The following NSD2 variants were observed in gnomAD, a reference collection of about 807,000 sequenced individuals.
NSD2 encodes the protein histone-lysine N-methyltransferase NSD2.
In NSD2, 12 loss-of-function variants were observed where a neutral mutation model predicts 139.0. The ratio of observed to expected loss-of-function variants is 0.09; its 90% CI spans 0.06 to 0.14. The LOEUF (loss-of-function observed/expected upper bound fraction) is 0.14, where lower values mean the gene tolerates loss of function less well. NSD2 is among the 10% of genes least tolerant of loss of function. The pLI, the probability that NSD2 is intolerant of heterozygous loss-of-function variation, is 1.00. For synonymous variants in NSD2, 669 were observed against 648.7 expected (o/e 1.03, Z -0.48); for missense variants, 1,155 against 1,745.0 (o/e 0.66, Z 6.02).
At chr4:1,896,524 G>A (rs996676337) in intron 1 of NSD2, among the ~76,000 whole-genome samples, 2 of 152,172 alleles carry the variant, frequency 1.3e-5, no homozygotes, top group Non-Finnish European at 2.9e-5. Flanking sequence ...GTGCGCCAGT[G>A]TGCCTGGCTA....
intron 9 of NSD2, chr4:1,944,258 G>A: frequency 9.4e-7 from 1 of 1,066,174 alleles, no homozygotes. Flanking sequence ...CCATCTCCTG[G>A]TTTCCTGAAG....
At chr4:1,899,548 A>G (rs1716890529) in intron 1 of NSD2, among the ~76,000 whole-genome samples, 1 of 152,150 alleles carries the variant, frequency 6.6e-6, no homozygotes, top group Non-Finnish European at 1.5e-5. Context: ...CTAGTGTCTG[A>G]TGCTATTGAT....
Position 1,955,706 on chromosome 4 carries a change from G to A in NSD2, c.2532G>A (p.Leu844=). 6.2e-7 allele frequency: 1 copy of A among 1,613,558 alleles called. No homozygotes were observed. Among genetic ancestry groups the A allele is most frequent in the Non-Finnish European group, 8.5e-7 (1 of 1,179,798 alleles). The stretch of plus-strand genomic sequence containing the variant: ...CTCCTCTTGCAGGGGGGAGCCTTCT[G>A]TGCTGTGAGTCCTGCCCAGCGGCCT... ...CFVCSKGGSL[L]CCESCPAAFH... is the part of the protein sequence containing the mutation. The change falls in exon 14 of 22, where the codon CTG becomes CTA. Residue 844 remains leucine (L), a synonymous_variant. Transcript: ENST00000508803. The surrounding 1 kb of genome is among the most constrained non-coding windows in gnomAD (Gnocchi z 4.7).
At position 1,958,079 on chromosome 4, in the gene NSD2, C is replaced by A; in HGVS notation, c.2985+43C>A. 1 of 1,587,636 alleles carries A rather than the reference C, an allele frequency of 6.3e-7. No homozygotes were observed. Among genetic ancestry groups the A allele is most frequent in the Non-Finnish European group, 8.6e-7 (1 of 1,161,116 alleles). On this transcript the variant is annotated intron_variant, in intron 16 of 21. Coordinates refer to ENST00000508803, the MANE Select transcript of NSD2 (RefSeq NM_001042424.3). This position sits in a 1 kb window ranked among gnomAD's most constrained non-coding sequence, Gnocchi z 4.6. ...CGTGCACGCGTGTGGAGGGAGTCTTCCCCGAGGGCCGTGAGAGGTTCTTAG... is the reference window on the plus strand; with the variant it reads ...CGTGCACGCGTGTGGAGGGAGTCTTACCCGAGGGCCGTGAGAGGTTCTTAG...
chr4:1,920,484 C>T (rs55720454), intron 5 of NSD2, among the ~76,000 whole-genome samples: 2 of 152,266 alleles, frequency 1.3e-5, no homozygotes, highest in Admixed American at 1.3e-4. Flanking sequence ...ATTATTGTGA[C>T]TTACTGTGTA....
chr4:1,948,864 T>A lies in NSD2; in HGVS notation c.1882-2208T>A. On this transcript the variant is annotated intron_variant, in intron 9 of 21. Coordinates refer to ENST00000508803, the MANE Select transcript of NSD2 (RefSeq NM_001042424.3). The surrounding 1 kb of genome is among the most constrained non-coding windows in gnomAD (Gnocchi z 4.5). ...TTCTGTCTTTCTCTCCATGCATTTT[T>A]TTTCTCATTTTTAAAGCTTTTTAAG... 6 of 971,386 alleles carry A rather than the reference T, an allele frequency of 6.2e-6. No individual in the cohort carries two copies. The highest frequency in any genetic ancestry group is 7.4e-6 in the Non-Finnish European group (6 of 807,152). 60.2% of individuals were successfully genotyped at this position (971,386 alleles called of 1,614,324 possible).
At chr4:1,915,415 G>A (rs1719256063) in intron 3 of NSD2, among the ~76,000 whole-genome samples, 1 of 152,094 alleles carries the variant, frequency 6.6e-6, no homozygotes, top group African/African-American at 2.4e-5. Context: ...CACCCGGCCT[G>A]AATTTTATTT....
chr4:1,931,152 C>T lies in NSD2; in HGVS notation c.1555+382C>T, dbSNP rs561259808. Among the ~76,000 whole-genome samples, 4 of 152,294 alleles carry T rather than the reference C, an allele frequency of 2.6e-5. No homozygotes were observed. The South Asian group carries it at 6.2e-4, about 24-fold the overall frequency. Reference sequence around the variant, plus strand: ...GTAGGGTCAGCCTTCAGGCCTGTGACTTCCGAGGAGGCAGCACTTTTCTTG... The same window carrying T: ...GTAGGGTCAGCCTTCAGGCCTGTGATTTCCGAGGAGGCAGCACTTTTCTTG... On this transcript the variant is annotated intron_variant, in intron 6 of 21. Coordinates refer to ENST00000508803, the MANE Select transcript of NSD2 (RefSeq NM_001042424.3).
intron 3 of NSD2, among the ~76,000 whole-genome samples, chr4:1,905,370 G>A (rs77523305): frequency 3.4e-4 from 52 of 152,348 alleles, no homozygotes; most frequent in African/African-American, 1.1e-3. Flanking sequence ...GAAGTGTGGC[G>A]TCTAGAGTCA....
intron 1 of NSD2, among the ~76,000 whole-genome samples, chr4:1,893,382 A>G (rs1715783576): frequency 6.6e-6 from 1 of 152,208 alleles, no homozygotes; most frequent in Non-Finnish European, 1.5e-5. Flanking sequence ...AGGCAGGAGA[A>G]TCACTTGAAC....
chr4:1,898,028 CCTT>C (rs375362878), intron 1 of NSD2, among the ~76,000 whole-genome samples: 18 of 152,114 alleles, frequency 1.2e-4, no homozygotes, highest in South Asian at 2.1e-4. Context: ...TTTCCCTCCT[CCTT>C]CTGGGTGGAA....
intron 1 of NSD2, among the ~76,000 whole-genome samples, chr4:1,888,576 A>T (rs1359709098): frequency 6.6e-6 from 1 of 151,076 alleles, no homozygotes; most frequent in African/African-American, 2.4e-5. Flanking sequence ...AATTGTTTTT[A>T]TTTTTTTTGA....
At chr4:1,902,159 G>A (rs539760137) in intron 2 of NSD2, among the ~76,000 whole-genome samples, 4 of 152,164 alleles carry the variant, frequency 2.6e-5, no homozygotes, top group Non-Finnish European at 2.9e-5. Flanking sequence ...TTAAAAAAAC[G>A]TTTTTTGATT....
Position 1,979,417 on chromosome 4 carries a change from C to G in NSD2, c.*508C>G, listed in dbSNP as rs776016359. The G allele has an allele frequency of 4.3e-5, 10 of 234,050 alleles. No homozygotes were observed. Among genetic ancestry groups the G allele is most frequent in the Non-Finnish European group, 8.4e-5 (10 of 118,718 alleles). 14.5% of individuals were successfully genotyped at this position (234,050 alleles called of 1,614,324 possible). ...AACTGCCATTGTGATCATTACTCTG[C>G]TCTTTGGAAATGGCTGTATCATTTT... On this transcript the variant is annotated 3_prime_UTR_variant, in exon 22 of 22. Coordinates refer to ENST00000508803, the MANE Select transcript of NSD2 (RefSeq NM_001042424.3).
intron 1 of NSD2, among the ~76,000 whole-genome samples, chr4:1,878,595 G>A (rs1426228132): frequency 6.6e-6 from 1 of 152,052 alleles, no homozygotes; most frequent in Non-Finnish European, 1.5e-5. Flanking sequence ...TGGTACCTGA[G>A]TGACTGTCAG....
At chr4:1,943,080 C>A in intron 9 of NSD2, 1 of 1,049,402 alleles carries the variant, frequency 9.5e-7, no homozygotes, top group Non-Finnish European at 1.2e-6. Context: ...CCAACCTCTG[C>A]ATCAGTTGCT....
intron 15 of NSD2, 117 bp from the exon 16 acceptor site, chr4:1,957,816 G>T: frequency 1.0e-6 from 1 of 989,582 alleles, no homozygotes; most frequent in Non-Finnish European, 1.5e-6. Flanking sequence ...TAGTTTTATG[G>T]GAACCAGAAA....
chr4:1,873,449 ACTTG>A (rs1376914048), intron 1 of NSD2, among the ~76,000 whole-genome samples: 2 of 152,208 alleles, frequency 1.3e-5, no homozygotes, highest in Non-Finnish European at 2.9e-5. Flanking sequence ...TGCAGGTGCG[ACTTG>A]CTTTGTTTCT....
chr4:1,973,053 T>A lies in NSD2; in HGVS notation c.3373-1810T>A, dbSNP rs944050616. On this transcript the variant is annotated intron_variant, in intron 18 of 21. Transcript: ENST00000508803. This position sits in a 1 kb window ranked among gnomAD's most constrained non-coding sequence, Gnocchi z 5.5. ...ATTTTTATTAGAGACAGTTTCACCA[T>A]GTTGGCCAGGCTGGTTTCGAACTCC... is the stretch of plus-strand genomic sequence containing the variant. Among the ~76,000 whole-genome samples the A allele has an allele frequency of 1.3e-5, 2 of 152,176 alleles. No homozygotes were observed. Among genetic ancestry groups the A allele is most frequent in the Non-Finnish European group, 2.9e-5 (2 of 68,020 alleles).
Sources: gnomAD v4.1 joint callset for allele counts (sites outside exome capture counted in the v4.1 genomes callset) on GRCh38, gnomAD v4.1.1 for gene constraint, Gnocchi (gnomAD v3.1) non-coding constraint, MANE v1.5 for transcripts, NCBI Gene and HGNC (gene_info 2026-07-23, HGNC 2026-07-21) for gene names.